The following TNPO1 variants were observed in gnomAD, a reference collection of about 807,000 sequenced individuals.
TNPO1 encodes the protein transportin 1.
TNPO1 carries 8 observed loss-of-function variants against 119.5 expected under a neutral mutation model. The ratio of observed to expected loss-of-function variants is 0.07; its 90% CI spans 0.04 to 0.12. The LOEUF is 0.12. TNPO1 is among the 10% of genes least tolerant of loss of function. The probability of loss-of-function intolerance (pLI) is 1.00; values close to 1 mark genes in which losing one functional copy is unlikely to be tolerated. For missense variants in TNPO1, 576 were observed against 1,089.8 expected, an observed-to-expected ratio of 0.53 and a Z score of 6.64; for synonymous variants, 362 against 363.0, an observed-to-expected ratio of 1.00 and a Z score of 0.03.
At chr5:72,819,940 CATT>C (rs1250610409) in intron 1 of TNPO1, among the ~76,000 whole-genome samples, 2 of 152,158 alleles carry the variant, frequency 1.3e-5, no homozygotes, top group Non-Finnish European at 2.9e-5. Flanking sequence ...TCATCAATGT[CATT>C]ATCACTGTTA....
chr5:72,838,031 A>T (rs1744758141), intron 1 of TNPO1, among the ~76,000 whole-genome samples: 1 of 152,172 alleles, frequency 6.6e-6, no homozygotes, highest in Non-Finnish European at 1.5e-5. Flanking sequence ...GTTGTGTGTG[A>T]GATTTCTATG....
intron 4 of TNPO1, among the ~76,000 whole-genome samples, chr5:72,861,359 G>GT (rs1471016256): frequency 3.3e-5 from 5 of 152,036 alleles, no homozygotes; most frequent in South Asian, 4.1e-4. Context: ...TTTATGTGAG[G>GT]TTTTTTTTCC....
chr5:72,834,355 A>C (rs1205694545), intron 1 of TNPO1, among the ~76,000 whole-genome samples: 2 of 152,226 alleles, frequency 1.3e-5, no homozygotes, highest in East Asian at 3.8e-4. Context: ...TTCTAGAAGA[A>C]GGCATTGTTA....
At chr5:72,902,759 TTAAAA>T (rs1749886739) in intron 22 of TNPO1, among the ~76,000 whole-genome samples, 1 of 152,184 alleles carries the variant, frequency 6.6e-6, no homozygotes, top group Non-Finnish European at 1.5e-5. Flanking sequence ...TTGGATATGG[TTAAAA>T]TAAAATGTCA....
At chr5:72,852,285 T>C (rs1489097158) in intron 3 of TNPO1, among the ~76,000 whole-genome samples, 3 of 152,220 alleles carry the variant, frequency 2.0e-5, no homozygotes, top group Non-Finnish European at 4.4e-5. Flanking sequence ...TCTAATAATA[T>C]GTAACGCATC....
intron 6 of TNPO1, among the ~76,000 whole-genome samples, chr5:72,868,565 C>T (rs1747131909): frequency 1.3e-5 from 2 of 151,148 alleles, no homozygotes; most frequent in Admixed American, 1.3e-4. Flanking sequence ...ATTTTATAGT[C>T]CCTTCTCCCC....
chr5:72,905,993 G>A (rs561316420), intron 24 of TNPO1, among the ~76,000 whole-genome samples: 15 of 152,130 alleles, frequency 9.9e-5, no homozygotes, highest in African/African-American at 1.4e-4. Context: ...AGTTTGAATC[G>A]TAGGTATAAA....
rs377174402 is a variant in TNPO1 at position 72,845,946 on chromosome 5, A to T, written c.16-2439A>T. Among the ~76,000 whole-genome samples, 34 of 152,280 alleles carry T rather than the reference A, an allele frequency of 2.2e-4. 1 individual carries two copies. The South Asian group carries it at 6.8e-3, about 31-fold the overall frequency. On this transcript the variant is annotated intron_variant, in intron 1 of 24. Transcript: ENST00000337273. ...GTAGGGTATGCCTGGTAGCAGCTCCAACTCTAATATTACTAAGGCTCAGAC... is the reference window on the plus strand; with the variant it reads ...GTAGGGTATGCCTGGTAGCAGCTCCTACTCTAATATTACTAAGGCTCAGAC...
At chr5:72,840,577 C>A (rs1744865360) in intron 1 of TNPO1, among the ~76,000 whole-genome samples, 1 of 152,108 alleles carries the variant, frequency 6.6e-6, no homozygotes, top group Non-Finnish European at 1.5e-5. Context: ...TTAACATCTA[C>A]CTCATAGTGC....
In TNPO1 at chr5:72,879,811, TATA is replaced by T. The variant is rs145638296; in HGVS notation, c.920+2469_920+2471del. ...CTATTTATTAACCACACTTGCCTAG[TATA>T]ATACGAGCAAAAAGTGTTTGCATAG... On this transcript the variant is annotated intron_variant, in intron 9 of 24. Transcript: ENST00000337273. 1.3e-3 allele frequency among the ~76,000 whole-genome samples: 199 copies of T among 152,354 alleles called. 1 individual carries two copies. Among genetic ancestry groups the T allele is most frequent in the African/African-American group, 4.5e-3 (189 of 41,586 alleles).
In TNPO1 at chr5:72,894,498, C is replaced by T. The variant is rs185461889; in HGVS notation, c.2143+795C>T. ...CATCCTGGCTAACACGGTGAAACCC[C>T]GCTTCTACTAAAAATACAAAAACTT... On this transcript the variant is annotated intron_variant, in intron 18 of 24. Coordinates refer to ENST00000337273, the MANE Select transcript of TNPO1 (RefSeq NM_002270.4). Among the ~76,000 whole-genome samples, 457 of 152,212 alleles carry T rather than the reference C, an allele frequency of 3.0e-3. 3 individuals are homozygous for T. Among genetic ancestry groups the T allele is most frequent in the African/African-American group, 0.01 (432 of 41,516 alleles).
At chr5:72,819,320 C>A (rs1196726152) in intron 1 of TNPO1, among the ~76,000 whole-genome samples, 1 of 152,144 alleles carries the variant, frequency 6.6e-6, no homozygotes, top group Non-Finnish European at 1.5e-5. Flanking sequence ...TGGAGACAGA[C>A]ACACCATATT....
intron 1 of TNPO1, among the ~76,000 whole-genome samples, chr5:72,822,596 T>C (rs2112162353): frequency 6.6e-6 from 1 of 150,478 alleles, no homozygotes; most frequent in Non-Finnish European, 1.5e-5. Flanking sequence ...TACACTTTTT[T>C]TTTTTTTTTT....
At chr5:72,823,352 C>G (rs1198665354) in intron 1 of TNPO1, among the ~76,000 whole-genome samples, 2 of 152,168 alleles carry the variant, frequency 1.3e-5, no homozygotes, top group Non-Finnish European at 2.9e-5. Flanking sequence ...CACCCAAACC[C>G]TGGCCTCTCA....
intron 6 of TNPO1, among the ~76,000 whole-genome samples, chr5:72,869,478 C>T (rs144767967): frequency 0.011 from 1,651 of 152,192 alleles, 24 homozygotes; most frequent in African/African-American, 0.038. Flanking sequence ...ACCCAGGAGG[C>T]GGAGGTTGTG....
At chr5:72,831,282 C>T (rs1744446674) in intron 1 of TNPO1, among the ~76,000 whole-genome samples, 1 of 151,848 alleles carries the variant, frequency 6.6e-6, no homozygotes, top group Non-Finnish European at 1.5e-5. Context: ...TTGGCTTTTA[C>T]ATATTTAGTA....
rs1750354466 is a variant in TNPO1, at chr5:72,908,776, G to C, written c.*103G>C. The C allele has an allele frequency of 3.7e-6, 1 of 272,048 alleles. No individual in the cohort carries two copies. Among genetic ancestry groups the C allele is most frequent in the African/African-American group, 2.3e-5 (1 of 43,986 alleles). The allele number at this position is 272,048 out of a possible 1,614,324, so 16.9% of individuals were successfully genotyped here. A position where few individuals can be genotyped will look rare whatever the true frequency, so the allele number is the denominator to read the frequency against. ...GGAAAATGTTACCCTTTACAGGGGG[G>C]AAGGGTAAACCAGTAGGGAATACAG... On this transcript the variant is annotated 3_prime_UTR_variant, in exon 25 of 25. Coordinates refer to ENST00000337273, the MANE Select transcript of TNPO1 (RefSeq NM_002270.4).
chr5:72,869,802 TCAGA>T (rs1289079148), intron 6 of TNPO1, among the ~76,000 whole-genome samples: 7 of 152,234 alleles, frequency 4.6e-5, no homozygotes, highest in Non-Finnish European at 8.8e-5. Flanking sequence ...TTATATAGTA[TCAGA>T]CAGATCTAAT....
chr5:72,897,239 T>C (rs1417803325), intron 20 of TNPO1, 88 bp downstream of exon 20: 2 of 846,898 alleles, frequency 2.4e-6, no homozygotes, highest in East Asian at 2.7e-5. Context: ...CAAAACTAGC[T>C]TTTAAAATCG....
Sources: allele counts gnomAD v4.1 joint callset (sites outside exome capture counted in the v4.1 genomes callset), GRCh38; gene constraint gnomAD v4.1.1; transcripts MANE v1.5; gene names NCBI Gene and HGNC (gene_info 2026-07-23, HGNC 2026-07-21).